HLCS: variants seen among roughly 807,000 people sequenced by gnomAD.
HLCS encodes biotin--protein ligase.
Under a neutral mutation model 75.0 loss-of-function variants are expected in HLCS, and 53 were observed. The observed-to-expected ratio is 0.71, with a 90% confidence interval of 0.57 to 0.89. The LOEUF (loss-of-function observed/expected upper bound fraction) is 0.89, where lower values mean the gene tolerates loss of function less well. Ranked by LOEUF, HLCS falls within the 40% of genes least tolerant of loss-of-function variation. The pLI, the probability that HLCS is intolerant of heterozygous loss-of-function variation, is 0.00. For missense variants in HLCS, 966 were observed against 1,074.0 expected (o/e 0.90, Z 1.41); for synonymous variants, 431 against 428.6 (o/e 1.01, Z -0.07).
chr21:36,914,516 G>C (rs1481684951), intron 5 of HLCS, among the ~76,000 whole-genome samples: 1 of 152,172 alleles, frequency 6.6e-6, no homozygotes, highest in African/African-American at 2.4e-5. Context: ...GACGCTGAAA[G>C]GCCCAGGATT....
chr21:36,887,790 A>G (rs2835523), intron 6 of HLCS, among the ~76,000 whole-genome samples: 73,377 of 152,100 alleles, frequency 0.48, 19,772 homozygotes, highest in African/African-American at 0.73. Context: ...CCTTTATTTC[A>G]CAATTACGCT....
chr21:36,856,349 AG>A (rs1290381282), intron 6 of HLCS, among the ~76,000 whole-genome samples: 2 of 152,224 alleles, frequency 1.3e-5, no homozygotes, highest in Non-Finnish European at 2.9e-5. Flanking sequence ...CAGAACATCT[AG>A]GTGGGACCCC....
chr21:36,857,620 CGCTGGGGCTCCTGCTCAG>C lies in HLCS; in HGVS notation c.1892+39222_1892+39239del, dbSNP rs528252055. Among the ~76,000 whole-genome samples the C allele has an allele frequency of 6.4e-4, 97 of 152,268 alleles. 2 individuals carry two copies. Among genetic ancestry groups the C allele is most frequent in the African/African-American group, 2.1e-3 (88 of 41,552 alleles). On this transcript the variant is annotated intron_variant, in intron 6 of 10. Coordinates refer to ENST00000674895, the MANE Select transcript of HLCS (RefSeq NM_001352514.2). ...ACCCACCCCAAACCTCCAGGGCCCT[CGCTGGGGCTCCTGCTCAG>C]AGCTCCCACTCCTAGGATGGCATTT...
chr21:36,924,144 T>C (rs1211783848), intron 5 of HLCS, among the ~76,000 whole-genome samples: 2 of 152,138 alleles, frequency 1.3e-5, no homozygotes, highest in Non-Finnish European at 1.5e-5. Flanking sequence ...GCCCTATCTA[T>C]ACATTCGAGA....
chr21:36,766,663 C>A (rs1160220827), intron 7 of HLCS, among the ~76,000 whole-genome samples: 2 of 151,962 alleles, frequency 1.3e-5, no homozygotes, highest in Non-Finnish European at 2.9e-5. Context: ...AGGGTCAGAC[C>A]CCAGATGGGT....
intron 6 of HLCS, among the ~76,000 whole-genome samples, chr21:36,849,126 AT>A (rs2062897209): frequency 6.6e-6 from 1 of 152,244 alleles, no homozygotes; most frequent in African/African-American, 2.4e-5. Flanking sequence ...AATAAATTCC[AT>A]TTAAGCTATG....
chr21:36,756,282 C>T (rs1568959864), intron 10 of HLCS, among the ~76,000 whole-genome samples: 1 of 151,342 alleles, frequency 6.6e-6, no homozygotes, highest in Admixed American at 6.6e-5. Context: ...ACTAAAAATA[C>T]AAAAAATTAG....
intron 6 of HLCS, among the ~76,000 whole-genome samples, chr21:36,776,681 G>A (rs1407931906): frequency 1.3e-5 from 2 of 152,130 alleles, no homozygotes; most frequent in Non-Finnish European, 2.9e-5. Context: ...CCAAAGTGCT[G>A]GGATTACAGG....
chr21:36,902,425 G>T (rs1456242969), intron 5 of HLCS, among the ~76,000 whole-genome samples: 1 of 152,172 alleles, frequency 6.6e-6, no homozygotes, highest in Non-Finnish European at 1.5e-5. Flanking sequence ...GGTGGCTCAG[G>T]TTCCCCTCTG....
In HLCS at chr21:36,754,205, A is replaced by G. The variant is rs750750219; in HGVS notation, c.*41T>C. 4 of 1,601,128 alleles carry G rather than the reference A, an allele frequency of 2.5e-6. No homozygotes were observed. The highest frequency in any genetic ancestry group is 3.4e-6 in the Non-Finnish European group (4 of 1,169,736). On this transcript the variant is annotated 3_prime_UTR_variant, in exon 11 of 11. Transcript: ENST00000674895. ...AACTCTAAATTAGATTTCCAGATGC[A>G]TGGGCACGGACAGGCAGCCGCGTCT...
At position 36,749,101 on chromosome 21, in the gene HLCS, G is replaced by GT. The variant is rs1268849274; in HGVS notation, c.*5144dup. The GT allele has an allele frequency of 1.3e-5, 2 of 152,748 alleles. No homozygotes were observed. Among genetic ancestry groups the GT allele is most frequent in the Non-Finnish European group, 2.9e-5 (2 of 68,028 alleles). 9.5% of individuals were successfully genotyped at this position (152,748 alleles called of 1,614,324 possible). ...ATTTTCTACACAGCGAGAAAACTTC[G>GT]TAAGAACATGTTACGTGTGCAACAG... On this transcript the variant is annotated 3_prime_UTR_variant, in exon 11 of 11. Coordinates refer to ENST00000674895, the MANE Select transcript of HLCS (RefSeq NM_001352514.2).
At chr21:36,864,715 C>A (rs1331973254) in intron 6 of HLCS, among the ~76,000 whole-genome samples, 1 of 152,004 alleles carries the variant, frequency 6.6e-6, no homozygotes, top group Non-Finnish European at 1.5e-5. Flanking sequence ...CATTGGAAAT[C>A]CATCTTTTAA....
At chr21:36,919,939 A>C (rs2066090224) in intron 5 of HLCS, among the ~76,000 whole-genome samples, 1 of 152,216 alleles carries the variant, frequency 6.6e-6, no homozygotes, top group South Asian at 2.1e-4. Context: ...TTGCTTTGCC[A>C]AGACCAGCAT....
intron 5 of HLCS, among the ~76,000 whole-genome samples, chr21:36,910,746 C>T (rs911095659): frequency 1.4e-4 from 21 of 152,264 alleles, no homozygotes; most frequent in Admixed American, 1.3e-3. Flanking sequence ...AGCCTGGTCC[C>T]TTATGCGGCA....
At chr21:36,902,353 A>G (rs939142477) in intron 5 of HLCS, among the ~76,000 whole-genome samples, 1 of 152,178 alleles carries the variant, frequency 6.6e-6, no homozygotes, top group Non-Finnish European at 1.5e-5. Context: ...GTGGGGTGGG[A>G]CCTAGCACAG....
At chr21:36,961,667 T>C (rs765659052) in intron 2 of HLCS, among the ~76,000 whole-genome samples, 25 of 151,580 alleles carry the variant, frequency 1.6e-4, no homozygotes, top group Admixed American at 3.3e-4. Context: ...AAAAGACAAA[T>C]TTGAGGCCGG....
intron 6 of HLCS, among the ~76,000 whole-genome samples, chr21:36,888,459 T>A (rs1319794989): frequency 0.038 from 718 of 18,910 alleles, 35 homozygotes; most frequent in South Asian, 0.052. Context: ...TATATATATA[T>A]ATATATATAT....
chr21:36,758,287 T>C (rs768799416), intron 9 of HLCS, among the ~76,000 whole-genome samples: 1 of 152,022 alleles, frequency 6.6e-6, no homozygotes, highest in South Asian at 2.1e-4. Flanking sequence ...TTTGTATTTT[T>C]AGTGGAGACA....
chr21:36,946,272 G>A (rs1239309364), intron 2 of HLCS: 2 of 167,862 alleles, frequency 1.2e-5, no homozygotes, highest in African/African-American at 4.8e-5. Flanking sequence ...TTTGAGACAG[G>A]GTCTTACTTT....
Sources: gnomAD v4.1 joint callset for allele counts (sites outside exome capture counted in the v4.1 genomes callset) on GRCh38, gnomAD v4.1.1 for gene constraint, MANE v1.5 for transcripts, NCBI Gene and HGNC (gene_info 2026-07-23, HGNC 2026-07-21) for gene names.